PPFIA2: variants seen among roughly 807,000 people sequenced by gnomAD.
PPFIA2 encodes the protein liprin-alpha-2.
Under a neutral mutation model 175.5 loss-of-function variants are expected in PPFIA2, and 46 were observed. The ratio of observed to expected loss-of-function variants is 0.26; its 90% confidence interval spans 0.21 to 0.34. The LOEUF is 0.34. PPFIA2 is among the 10% of genes least tolerant of loss of function. The probability of loss-of-function intolerance (pLI) is 1.00; values close to 1 mark genes in which losing one functional copy is unlikely to be tolerated. For synonymous variants in PPFIA2, 568 were observed against 511.4 expected (o/e 1.11, Z -1.49); for missense variants, 1,179 against 1,506.1 (o/e 0.78, Z 3.60).
chr12:81,648,951 C>T lies in PPFIA2; in HGVS notation c.303+27840G>A, dbSNP rs144202072. On this transcript the variant is annotated intron_variant, in intron 4 of 32. Transcript: ENST00000549396. The stretch of plus-strand genomic sequence containing the variant: ...CTAGCCATATGAGAAAAAATATTTA[C>T]ATGCCATACACAAAAATTAATCATT... Among the ~76,000 whole-genome samples the T allele has an allele frequency of 9.9e-5, 15 of 151,786 alleles. No individual in the cohort carries two copies. In the East Asian group the frequency reaches 2.9e-3, roughly 29 times the overall value.
At chr12:81,348,644 G>A (rs1489730170) in intron 17 of PPFIA2, among the ~76,000 whole-genome samples, 1 of 152,232 alleles carries the variant, frequency 6.6e-6, no homozygotes, top group Admixed American at 6.5e-5. Flanking sequence ...GCTGAAGCAG[G>A]AGAATCGCTT....
intron 3 of PPFIA2, among the ~76,000 whole-genome samples, chr12:81,709,765 T>G (rs981497945): frequency 2.0e-5 from 3 of 152,104 alleles, no homozygotes; most frequent in Non-Finnish European, 4.4e-5. Context: ...ACCATACTTT[T>G]TTACTACTAT....
At chr12:81,569,580 CAAT>C (rs1238630139) in intron 4 of PPFIA2, among the ~76,000 whole-genome samples, 1 of 151,990 alleles carries the variant, frequency 6.6e-6, no homozygotes, top group African/African-American at 2.4e-5. Context: ...ACATTTATAA[CAAT>C]AATATTACAC....
At chr12:81,474,360 T>C (rs1385368237) in intron 4 of PPFIA2, among the ~76,000 whole-genome samples, 1 of 152,004 alleles carries the variant, frequency 6.6e-6, no homozygotes, top group Non-Finnish European at 1.5e-5. Context: ...TCTTGCCATG[T>C]TTTTTGGGCT....
chr12:81,268,262 C>CTGCCT (rs2037996805), intron 28 of PPFIA2, among the ~76,000 whole-genome samples, 175 bp from the exon 29 acceptor site: 2 of 149,272 alleles, frequency 1.3e-5, no homozygotes, highest in African/African-American at 4.9e-5. Flanking sequence ...CCTCAGCCTC[C>CTGCCT]CAAGTAGCTG....
chr12:81,720,816 A>T lies in PPFIA2; in HGVS notation c.249+33157T>A, dbSNP rs55910746. On this transcript the variant is annotated intron_variant, in intron 3 of 32. Coordinates refer to ENST00000549396, the MANE Select transcript of PPFIA2 (RefSeq NM_003625.5). Reference sequence around the variant, plus strand: ...GAGCTGACTTGTATACACTTAATAAATTTTTTTTGTTTGTTTTTTTGGCTT... The same window carrying T: ...GAGCTGACTTGTATACACTTAATAATTTTTTTTTGTTTGTTTTTTTGGCTT... Among the ~76,000 whole-genome samples, 586 of 151,164 alleles carry T rather than the reference A, an allele frequency of 3.9e-3. 1 individual carries two copies. The highest frequency in any genetic ancestry group is 6.2e-3 in the Non-Finnish European group (421 of 67,492).
At chr12:81,674,166 A>C (rs2071985998) in intron 4 of PPFIA2, among the ~76,000 whole-genome samples, 2 of 152,158 alleles carry the variant, frequency 1.3e-5, no homozygotes, top group African/African-American at 4.8e-5. Flanking sequence ...CATACCATTA[A>C]CATTTCAATA....
At chr12:81,348,243 A>T (rs115235023) in intron 17 of PPFIA2, among the ~76,000 whole-genome samples, 14,696 of 152,136 alleles carry the variant, frequency 0.097, 882 homozygotes, top group Middle Eastern at 0.16. Flanking sequence ...ATTGAATCTT[A>T]CCTCCTACCT....
At chr12:81,521,031 C>T (rs2063059451) in intron 4 of PPFIA2, among the ~76,000 whole-genome samples, 1 of 152,016 alleles carries the variant, frequency 6.6e-6, no homozygotes, top group East Asian at 1.9e-4. Flanking sequence ...TTATATGTTG[C>T]TCTATTTTGT....
intron 7 of PPFIA2, among the ~76,000 whole-genome samples, chr12:81,410,741 AC>A (rs2043792027): frequency 6.6e-6 from 1 of 151,992 alleles, no homozygotes; most frequent in Non-Finnish European, 1.5e-5. Flanking sequence ...TGGGCACATG[AC>A]CCAAGCCAGG....
At chr12:81,587,074 T>G (rs2075395913) in intron 4 of PPFIA2, among the ~76,000 whole-genome samples, 1 of 151,996 alleles carries the variant, frequency 6.6e-6, no homozygotes, top group Non-Finnish European at 1.5e-5. Flanking sequence ...CACTTGCTTA[T>G]AGTCACACTC....
chr12:81,742,254 T>G (rs956044640), intron 3 of PPFIA2, among the ~76,000 whole-genome samples: 3 of 152,220 alleles, frequency 2.0e-5, no homozygotes, highest in Non-Finnish European at 4.4e-5. Context: ...AAACTCTGAC[T>G]TACTTTTTAT....
At position 81,578,995 on chromosome 12, in the gene PPFIA2, C is replaced by T. The variant is rs530543335; in HGVS notation, c.303+97796G>A. Among the ~76,000 whole-genome samples the T allele has an allele frequency of 3.3e-5, 5 of 151,812 alleles. No individual in the cohort carries two copies. In the East Asian group the frequency reaches 5.8e-4, roughly 18 times the overall value. ...TTAAAATACATTTAAAAATAATGCTCATTTTACAATATTAGAATAAGATTG... is the reference window on the plus strand; with the variant it reads ...TTAAAATACATTTAAAAATAATGCTTATTTTACAATATTAGAATAAGATTG... On this transcript the variant is annotated intron_variant, in intron 4 of 32. Transcript: ENST00000549396.
At chr12:81,605,354 T>C (rs181242178) in intron 4 of PPFIA2, among the ~76,000 whole-genome samples, 4 of 151,316 alleles carry the variant, frequency 2.6e-5, no homozygotes, top group Admixed American at 2.6e-4. Flanking sequence ...GAGAAGAACA[T>C]AGTGGTGAAA....
At chr12:81,694,964 A>T (rs1050844341) in intron 3 of PPFIA2, among the ~76,000 whole-genome samples, 1 of 152,166 alleles carries the variant, frequency 6.6e-6, no homozygotes. Context: ...TCATAATTGC[A>T]TGAGGTCTAC....
intron 22 of PPFIA2, chr12:81,302,615 A>G (rs1399402096): frequency 1.1e-5 from 5 of 434,914 alleles, no homozygotes; most frequent in South Asian, 3.3e-5. Context: ...AGACTGTGGA[A>G]AAACGGATCA....
chr12:81,408,308 T>C (rs1369946648), intron 7 of PPFIA2, among the ~76,000 whole-genome samples: 1 of 152,184 alleles, frequency 6.6e-6, no homozygotes, highest in Non-Finnish European at 1.5e-5. Context: ...TTTTAAAATA[T>C]TCAAGTATCA....
At chr12:81,286,304 T>A (rs1411398999) in intron 24 of PPFIA2, among the ~76,000 whole-genome samples, 2 of 152,124 alleles carry the variant, frequency 1.3e-5, no homozygotes, top group African/African-American at 4.8e-5. Flanking sequence ...TTATGAATTG[T>A]GTGTAGTATA....
chr12:81,393,898 G>T (rs1596005824), intron 8 of PPFIA2, among the ~76,000 whole-genome samples: 1 of 152,126 alleles, frequency 6.6e-6, no homozygotes, highest in Non-Finnish European at 1.5e-5. Flanking sequence ...CTTTGGTAGA[G>T]GTTGTCACTA....
Sources: gnomAD v4.1 joint callset for allele counts (sites outside exome capture counted in the v4.1 genomes callset) on GRCh38, gnomAD v4.1.1 for gene constraint, MANE v1.5 for transcripts, NCBI Gene and HGNC (gene_info 2026-07-23, HGNC 2026-07-21) for gene names.